The following SHROOM3 variants were observed in gnomAD, a reference collection of about 807,000 sequenced individuals.
SHROOM3 encodes the protein shroom family member 3.
SHROOM3 carries 47 observed loss-of-function variants against 138.6 expected under a neutral mutation model. The ratio of observed to expected loss-of-function variants is 0.34; its 90% CI spans 0.27 to 0.43. The LOEUF is 0.43. Among genes scored for constraint, SHROOM3 ranks in the 20% least tolerant of loss-of-function variants. SHROOM3 has a pLI of 1.00. For missense variants in SHROOM3, 2,491 were observed against 2,596.5 expected, an observed-to-expected ratio of 0.96 and a Z score of 0.88; for synonymous variants, 1,062 against 1,063.3, an observed-to-expected ratio of 1.00 and a Z score of 0.02.
At chr4:76,762,745 A>G (rs1345087267) in intron 9 of SHROOM3, among the ~76,000 whole-genome samples, 1 of 152,192 alleles carries the variant, frequency 6.6e-6, no homozygotes, top group African/African-American at 2.4e-5. Context: ...AACATGAATA[A>G]GACACTGTGT....
At chr4:76,442,031 C>G (rs1730702083) in intron 1 of SHROOM3, among the ~76,000 whole-genome samples, 1 of 152,150 alleles carries the variant, frequency 6.6e-6, no homozygotes, top group African/African-American at 2.4e-5. Flanking sequence ...TTCCCAGTGG[C>G]TTTTTATTAT....
chr4:76,617,283 A>ATAG (rs35916271), intron 2 of SHROOM3, among the ~76,000 whole-genome samples: 30,642 of 152,160 alleles, frequency 0.2, 3,887 homozygotes, highest in African/African-American at 0.35. Context: ...ATGGCAGATC[A>ATAG]TAGATTAATA....
intron 2 of SHROOM3, among the ~76,000 whole-genome samples, chr4:76,634,770 T>A (rs751598680): frequency 1.3e-5 from 2 of 152,184 alleles, no homozygotes; most frequent in African/African-American, 4.8e-5. Context: ...TAAAAATAAC[T>A]GTATTTTATT....
chr4:76,627,869 A>C (rs916094626), intron 2 of SHROOM3, among the ~76,000 whole-genome samples: 1 of 152,164 alleles, frequency 6.6e-6, no homozygotes, highest in Non-Finnish European at 1.5e-5. Context: ...TTATTCACGA[A>C]GGTAATTCAA....
chr4:76,697,087 A>ATTTT lies in SHROOM3; in HGVS notation c.324-13053_324-13050dup, dbSNP rs1163545473. ...ACATGCCACCGCACCCAGCTAATTAATTTTTTTTTTTTTTTTTTTGGTAAG... is the reference window on the plus strand; with the variant it reads ...ACATGCCACCGCACCCAGCTAATTAATTTTTTTTTTTTTTTTTTTTTTTGGTAAG... On this transcript the variant is annotated intron_variant, in intron 2 of 10. Coordinates refer to ENST00000296043, the MANE Select transcript of SHROOM3 (RefSeq NM_020859.4). Among the ~76,000 whole-genome samples the ATTTT allele has an allele frequency of 2.8e-3, 381 of 135,786 alleles. 3 individuals are homozygous for ATTTT. The highest frequency in any genetic ancestry group is 9.6e-3 in the African/African-American group (352 of 36,576). The allele number at this position is 135,786 out of a possible 152,430, so 89.1% of individuals were successfully genotyped here. A position where few individuals can be genotyped will look rare whatever the true frequency, so the allele number is the denominator to read the frequency against.
chr4:76,513,751 A>G (rs1255125888), intron 1 of SHROOM3, among the ~76,000 whole-genome samples: 2 of 152,264 alleles, frequency 1.3e-5, no homozygotes, highest in African/African-American at 4.8e-5. Flanking sequence ...CTACAGAGAT[A>G]ATATCTCTGA....
intron 2 of SHROOM3, among the ~76,000 whole-genome samples, chr4:76,695,420 G>T (rs1332211850): frequency 1.3e-5 from 2 of 152,202 alleles, no homozygotes; most frequent in Non-Finnish European, 2.9e-5. Flanking sequence ...CAAAAAAATA[G>T]CAAGGTAAGA....
chr4:76,711,475 G>A (rs911327061), intron 3 of SHROOM3, among the ~76,000 whole-genome samples: 1 of 152,170 alleles, frequency 6.6e-6, no homozygotes, highest in Non-Finnish European at 1.5e-5. Flanking sequence ...GCTCATGCCT[G>A]TAAGCCCAGA....
chr4:76,709,772 ACCTCGTTTG>A, intron 2 of SHROOM3: 1 of 282,446 alleles, frequency 3.5e-6, no homozygotes, highest in Admixed American at 5.0e-5. Context: ...GTTTCAAACC[ACCTCGTTTG>A]ACAGTTTGCT....
chr4:76,631,702 A>C (rs1471112728), intron 2 of SHROOM3, among the ~76,000 whole-genome samples: 3 of 152,362 alleles, frequency 2.0e-5, no homozygotes, highest in East Asian at 1.9e-4. Context: ...GGCCATAGTA[A>C]GAATTGTATT....
intron 2 of SHROOM3, among the ~76,000 whole-genome samples, chr4:76,631,835 C>T (rs750575450): frequency 4.6e-5 from 7 of 152,104 alleles, no homozygotes; most frequent in Non-Finnish European, 1.0e-4. Context: ...GGGAAAAAGT[C>T]GAAGCAGAGA....
At chr4:76,567,608 C>A (rs1478571019) in intron 2 of SHROOM3, among the ~76,000 whole-genome samples, 3 of 152,116 alleles carry the variant, frequency 2.0e-5, no homozygotes, top group African/African-American at 7.2e-5. Flanking sequence ...TGAGATCGTG[C>A]CACTGCACTC....
In SHROOM3 at chr4:76,756,417, CTTTTTTT is replaced by C. The variant is rs76738924; in HGVS notation, c.4710-22_4710-16del. 8 of 1,267,844 alleles carry C rather than the reference CTTTTTTT, an allele frequency of 6.3e-6. No homozygotes were observed. In the African/African-American group the frequency reaches 9.5e-5, roughly 15 times the overall value. 78.5% of individuals were successfully genotyped at this position (1,267,844 alleles called of 1,614,324 possible). ...TATCACTCTCTCTTTCTCTCTCTCTCTTTTTTTTTTTTTTTTAAATATCCCTGGCAGC... is the reference window on the plus strand; with the variant it reads ...TATCACTCTCTCTTTCTCTCTCTCTCTTTTTTTTTAAATATCCCTGGCAGC... On this transcript the variant is annotated intron_variant, in intron 7 of 10. Transcript: ENST00000296043.
chr4:76,725,067 C>G (rs1244277204), intron 3 of SHROOM3, among the ~76,000 whole-genome samples: 1 of 152,156 alleles, frequency 6.6e-6, no homozygotes, highest in African/African-American at 2.4e-5. Context: ...TCTTCTGCAT[C>G]TAAAAGAAAA....
chr4:76,454,769 T>A (rs562553284), intron 1 of SHROOM3, among the ~76,000 whole-genome samples: 1 of 152,240 alleles, frequency 6.6e-6, no homozygotes, highest in Non-Finnish European at 1.5e-5. Context: ...ATTGATATCT[T>A]AACAATATTT....
intron 3 of SHROOM3, among the ~76,000 whole-genome samples, chr4:76,726,462 C>G (rs2110126142): frequency 6.7e-6 from 1 of 149,540 alleles, no homozygotes; most frequent in South Asian, 2.1e-4. Context: ...CCCACAGGCA[C>G]TCATTCGCAT....
At chr4:76,724,657 A>G (rs946564017) in intron 3 of SHROOM3, among the ~76,000 whole-genome samples, 1 of 152,164 alleles carries the variant, frequency 6.6e-6, no homozygotes, top group Non-Finnish European at 1.5e-5. Context: ...GTTAATATAC[A>G]CACATGTGAT....
intron 2 of SHROOM3, among the ~76,000 whole-genome samples, chr4:76,597,473 T>C (rs1734415195): frequency 6.6e-6 from 1 of 152,204 alleles, no homozygotes; most frequent in South Asian, 2.1e-4. Flanking sequence ...TTATTTTTAC[T>C]ATTTTGTTAT....
chr4:76,723,303 C>G (rs1251941872), intron 3 of SHROOM3, among the ~76,000 whole-genome samples: 3 of 152,140 alleles, frequency 2.0e-5, no homozygotes, highest in African/African-American at 7.2e-5. Flanking sequence ...TCTTCACTCA[C>G]AAGGCTCTGG....
Sources: allele counts gnomAD v4.1 joint callset (sites outside exome capture counted in the v4.1 genomes callset), GRCh38; gene constraint gnomAD v4.1.1; transcripts MANE v1.5; gene names NCBI Gene and HGNC (gene_info 2026-07-23, HGNC 2026-07-21).